Variants in JAKMIP1 observed in about 807,000 individuals in gnomAD.
JAKMIP1 encodes the protein janus kinase and microtubule-interacting protein 1.
JAKMIP1 carries 33 observed loss-of-function variants against 113.0 expected under a neutral mutation model. That is an observed-to-expected ratio of 0.29 (90% confidence interval 0.22 to 0.39). JAKMIP1 has a LOEUF of 0.39. Ranked by LOEUF, JAKMIP1 falls within the 10% of genes least tolerant of loss-of-function variation. The probability of loss-of-function intolerance (pLI) is 1.00; values close to 1 mark genes in which losing one functional copy is unlikely to be tolerated. For missense variants in JAKMIP1, 813 were observed against 1,080.5 expected, an observed-to-expected ratio of 0.75 and a Z score of 3.47; for synonymous variants, 480 against 459.9, an observed-to-expected ratio of 1.04 and a Z score of -0.56.
intron 16 of JAKMIP1, among the ~76,000 whole-genome samples, chr4:6,043,305 C>T (rs527275529): frequency 6.6e-6 from 1 of 151,994 alleles, no homozygotes; most frequent in Non-Finnish European, 1.5e-5. Context: ...CCCCCTTTCC[C>T]GACCCCAGGC....
At chr4:6,092,042 G>T (rs1722126994) in intron 3 of JAKMIP1, among the ~76,000 whole-genome samples, 1 of 152,168 alleles carries the variant, frequency 6.6e-6, no homozygotes, top group Non-Finnish European at 1.5e-5. Context: ...CCAACATTGA[G>T]GGTGCGGAAT....
rs950086946 is a variant in JAKMIP1 at position 6,129,017 on chromosome 4, G to A, written c.-147-16020C>T. 1.3e-5 allele frequency among the ~76,000 whole-genome samples: 2 copies of A among 152,180 alleles called. No individual in the cohort carries two copies. The highest frequency in any genetic ancestry group is 4.8e-5 in the African/African-American group (2 of 41,444). On this transcript the variant is annotated intron_variant, in intron 1 of 20. Coordinates refer to ENST00000409021, the MANE Select transcript of JAKMIP1 (RefSeq NM_001099433.2). The surrounding 1 kb of genome is among the most constrained non-coding windows in gnomAD (Gnocchi z 5.4). ...TTCAGAGCTCCTTCCACACCATCAG[G>A]TTTAGTTGAATCTCCAGTACCAGGC...
rs4998329 is a variant in JAKMIP1, at chr4:6,059,102, G to T, written c.1644+1322C>A. Among the ~76,000 whole-genome samples, 2 of 152,120 alleles carry T rather than the reference G, an allele frequency of 1.3e-5. No individual in the cohort carries two copies. Among genetic ancestry groups the T allele is most frequent in the Non-Finnish European group, 2.9e-5 (2 of 68,004 alleles). On this transcript the variant is annotated intron_variant, in intron 11 of 20. Coordinates refer to ENST00000409021, the MANE Select transcript of JAKMIP1 (RefSeq NM_001099433.2). The surrounding 1 kb of genome is among the most constrained non-coding windows in gnomAD (Gnocchi z 4.8). Reference sequence around the variant, plus strand: ...AGTGGCAGAGCTGCCCTCTGACCCAGGTGGCCAGCTATAGCATGTGAGCTC... The same window carrying T: ...AGTGGCAGAGCTGCCCTCTGACCCATGTGGCCAGCTATAGCATGTGAGCTC...
chr4:6,043,505 C>T (rs553980600), intron 16 of JAKMIP1, among the ~76,000 whole-genome samples: 29 of 152,186 alleles, frequency 1.9e-4, no homozygotes, highest in East Asian at 1.7e-3. Flanking sequence ...TGCCCCACCA[C>T]GCCCTGTGTG....
In JAKMIP1 at chr4:6,085,460, G is replaced by A. The variant is rs762424724; in HGVS notation, c.794C>T (p.Pro265Leu). ...CTCCACCATGTCCCCGATCCCGGGC[G>A]GGAGCTCTCTCTTTGGACTACTGTG... is the stretch of plus-strand genomic sequence containing the variant. ...RHHSSPKRELPPGIGDMVELM... is the reference protein window; with the variant it reads ...RHHSSPKRELLPGIGDMVELM... Residue 265 changes from proline to leucine, a missense_variant, in exon 4 of 21, where the codon CCG becomes CTG. This residue lies in a region of JAKMIP1 where 540 missense variants were observed against 653.9 expected (regional missense o/e 0.83). Coordinates refer to ENST00000409021, the MANE Select transcript of JAKMIP1 (RefSeq NM_001099433.2). 18 of 1,613,860 alleles carry A rather than the reference G, an allele frequency of 1.1e-5. No homozygotes were observed. Among genetic ancestry groups the A allele is most frequent in the East Asian group, 4.5e-5 (2 of 44,892 alleles).
At chr4:6,066,948 G>A (rs139822462) in intron 8 of JAKMIP1, among the ~76,000 whole-genome samples, 5 of 152,136 alleles carry the variant, frequency 3.3e-5, no homozygotes, top group East Asian at 1.9e-4. Flanking sequence ...GCTCCGAGAC[G>A]CTCTTCCCCA....
intron 17 of JAKMIP1, among the ~76,000 whole-genome samples, chr4:6,041,898 C>T (rs1476901127): frequency 6.6e-6 from 1 of 152,196 alleles, no homozygotes; most frequent in Non-Finnish European, 1.5e-5. Flanking sequence ...AGGGACCCCA[C>T]TTATTCATTA....
chr4:6,098,659 GAAGA>G (rs1412776004), intron 3 of JAKMIP1, among the ~76,000 whole-genome samples: 2 of 120,978 alleles, frequency 1.7e-5, no homozygotes, highest in Admixed American at 8.3e-5. Context: ...GAAAGGAAAG[GAAGA>G]AAGAGAGAGA....
rs1173153031 is a variant in JAKMIP1, at chr4:6,076,943, C to T, written c.1302+1996G>A. On this transcript the variant is annotated intron_variant, in intron 8 of 20. Transcript: ENST00000409021. This position sits in a 1 kb window ranked among gnomAD's most constrained non-coding sequence, Gnocchi z 4.8. Reference sequence around the variant, plus strand: ...AAATTTCCCTGGCCTCATGTTGGTGCTGAGAAAGTTTCAGATTTTGGAGCA... The same window carrying T: ...AAATTTCCCTGGCCTCATGTTGGTGTTGAGAAAGTTTCAGATTTTGGAGCA... Among the ~76,000 whole-genome samples, 1 of 152,128 alleles carries T rather than the reference C, an allele frequency of 6.6e-6. No individual in the cohort carries two copies. The highest frequency in any genetic ancestry group is 1.5e-5 in the Non-Finnish European group (1 of 68,030).
In JAKMIP1 at chr4:6,179,860, T is replaced by C. The variant is rs567406843; in HGVS notation, c.-148+20393A>G. Among the ~76,000 whole-genome samples the C allele has an allele frequency of 2.6e-5, 4 of 152,300 alleles. No homozygotes were observed. The East Asian group carries it at 7.7e-4, about 29-fold the overall frequency. On this transcript the variant is annotated intron_variant, in intron 1 of 20. Coordinates refer to ENST00000409021, the MANE Select transcript of JAKMIP1 (RefSeq NM_001099433.2). This position sits in a 1 kb window ranked among gnomAD's most constrained non-coding sequence, Gnocchi z 4.5. ...GAAACTGAGGCTCAAAGAGGTGAAG[T>C]CACTTTCTTAAAATCCATAGCTTGT...
intron 2 of JAKMIP1, among the ~76,000 whole-genome samples, chr4:6,111,025 A>G (rs144879835): frequency 8.3e-4 from 127 of 152,168 alleles, no homozygotes; most frequent in Non-Finnish European, 1.7e-3. Flanking sequence ...TTGAACACCT[A>G]GGGATGGAGA....
At chr4:6,043,278 G>A (rs1026338709) in intron 16 of JAKMIP1, among the ~76,000 whole-genome samples, 2 of 151,852 alleles carry the variant, frequency 1.3e-5, no homozygotes, top group Non-Finnish European at 2.9e-5. Flanking sequence ...CTGACTCCAG[G>A]CCTTGGCTGC....
intron 1 of JAKMIP1, among the ~76,000 whole-genome samples, chr4:6,123,720 C>G (rs1004986341): frequency 1.3e-5 from 2 of 152,110 alleles, no homozygotes; most frequent in African/African-American, 4.8e-5. Flanking sequence ...ACCCAGGAGA[C>G]TGAGGTGGGA....
chr4:6,142,934 CTG>C lies in JAKMIP1; in HGVS notation c.-147-29939_-147-29938del, dbSNP rs141088943. Among the ~76,000 whole-genome samples the C allele has an allele frequency of 6.6e-6, 1 of 151,850 alleles. No individual in the cohort carries two copies. The highest frequency in any genetic ancestry group is 1.5e-5 in the Non-Finnish European group (1 of 67,874). On this transcript the variant is annotated intron_variant, in intron 1 of 20. Transcript: ENST00000409021. The surrounding 1 kb of genome is among the most constrained non-coding windows in gnomAD (Gnocchi z 5.5). ...AGTCCTGAGGCCCCTCAGTCCAGCA[CTG>C]TGTGTGTGTGTGTTTGTGGCCTCTC... is the stretch of plus-strand genomic sequence containing the variant.
intron 1 of JAKMIP1, among the ~76,000 whole-genome samples, chr4:6,174,053 T>TAC (rs1374445670): frequency 3.3e-5 from 5 of 150,312 alleles, no homozygotes; most frequent in East Asian, 2.0e-4. Flanking sequence ...CATCTGAAAA[T>TAC]ATATACATAC....
chr4:6,120,435 G>C (rs1171011501), intron 1 of JAKMIP1, among the ~76,000 whole-genome samples: 1 of 152,164 alleles, frequency 6.6e-6, no homozygotes, highest in Admixed American at 6.5e-5. Context: ...ATTGTTGATG[G>C]CAGTGGAAAA....
intron 3 of JAKMIP1, among the ~76,000 whole-genome samples, chr4:6,101,455 G>T (rs1376031779): frequency 6.6e-6 from 1 of 152,082 alleles, no homozygotes; most frequent in Non-Finnish European, 1.5e-5. Context: ...CTACTGTCTT[G>T]ATTACTGTAG....
chr4:6,140,094 G>A lies in JAKMIP1; in HGVS notation c.-147-27097C>T, dbSNP rs1003436383. Among the ~76,000 whole-genome samples the A allele has an allele frequency of 6.6e-6, 1 of 152,158 alleles. No individual in the cohort carries two copies. The highest frequency in any genetic ancestry group is 1.5e-5 in the Non-Finnish European group (1 of 68,038). On this transcript the variant is annotated intron_variant, in intron 1 of 20. Coordinates refer to ENST00000409021, the MANE Select transcript of JAKMIP1 (RefSeq NM_001099433.2). The surrounding 1 kb of genome is among the most constrained non-coding windows in gnomAD (Gnocchi z 9.4). ...AACGAATATATTTATTAGATGGATT[G>A]AGATGTACTGAGAATAGCTATGAAC...
intron 1 of JAKMIP1, among the ~76,000 whole-genome samples, chr4:6,117,847 C>T (rs1192228419): frequency 6.6e-6 from 1 of 152,248 alleles, no homozygotes; most frequent in African/African-American, 2.4e-5. Flanking sequence ...AGAAATACGG[C>T]TCTGTTCTGC....
Sources: gnomAD v4.1 joint callset for allele counts (sites outside exome capture counted in the v4.1 genomes callset) on GRCh38, gnomAD v4.1.1 for gene constraint, gnomAD v4.1.1 regional missense constraint, Gnocchi (gnomAD v3.1) non-coding constraint, MANE v1.5 for transcripts, NCBI Gene and HGNC (gene_info 2026-07-23, HGNC 2026-07-21) for gene names.